The following FARS2 variants were observed in gnomAD, a reference collection of about 807,000 sequenced individuals.
FARS2 encodes the protein phenylalanyl-tRNA synthetase 2, mitochondrial.
Under a neutral mutation model 46.4 loss-of-function variants are expected in FARS2, and 40 were observed. The ratio of observed to expected loss-of-function variants is 0.86; its 90% CI spans 0.67 to 1.12. The LOEUF is 1.12. Ranked by LOEUF, FARS2 falls within the 50% of genes most tolerant of loss-of-function variation. The probability of loss-of-function intolerance (pLI) is 0.00; values close to 1 mark genes in which losing one functional copy is unlikely to be tolerated. For missense variants in FARS2, 513 were observed against 567.9 expected (o/e 0.90, Z 0.98); for synonymous variants, 234 against 214.9 (o/e 1.09, Z -0.78).
intron 6 of FARS2, among the ~76,000 whole-genome samples, chr6:5,709,370 G>A (rs1474620452): frequency 6.6e-6 from 1 of 152,192 alleles, no homozygotes; most frequent in Admixed American, 6.5e-5. Context: ...GGAGGACAGA[G>A]AATGTGGTCT....
intron 2 of FARS2, among the ~76,000 whole-genome samples, chr6:5,389,872 G>T (rs1390907781): frequency 6.6e-6 from 1 of 151,740 alleles, no homozygotes; most frequent in Non-Finnish European, 1.5e-5. Context: ...TTGTTTGTTT[G>T]TTTTTTTCCT....
intron 1 of FARS2, among the ~76,000 whole-genome samples, chr6:5,341,222 TATATATATATA>T (rs1277514960): frequency 0.014 from 101 of 7,236 alleles, 1 homozygote; most frequent in African/African-American, 0.038. Flanking sequence ...TATATATATA[TATATATATATA>T]TATTTTTTTT....
intron 2 of FARS2, among the ~76,000 whole-genome samples, chr6:5,386,979 G>A (rs988829424): frequency 6.6e-6 from 1 of 152,108 alleles, no homozygotes; most frequent in Non-Finnish European, 1.5e-5. Flanking sequence ...GACTGTAGAG[G>A]GCTGAAAACG....
chr6:5,758,630 G>A (rs1762332200), intron 6 of FARS2, among the ~76,000 whole-genome samples: 2 of 152,172 alleles, frequency 1.3e-5, no homozygotes, highest in African/African-American at 4.8e-5. Context: ...TGCAGAGCAA[G>A]GATTTCTCTC....
In FARS2 at chr6:5,409,037, C is replaced by T. The variant is rs959815625; in HGVS notation, c.772+4336C>T. ...GTGTTATTTTTTATATTTGTATTTG[C>T]GTAGCTTTCAAATGCAGATGTCAGG... On this transcript the variant is annotated intron_variant, in intron 3 of 6. Transcript: ENST00000274680. Among the ~76,000 whole-genome samples the T allele has an allele frequency of 3.3e-5, 5 of 152,058 alleles. 1 individual carries two copies. The highest frequency in any genetic ancestry group is 6.6e-5 in the Admixed American group (1 of 15,260).
chr6:5,691,950 A>C (rs1561804200), intron 6 of FARS2, among the ~76,000 whole-genome samples: 1 of 152,202 alleles, frequency 6.6e-6, no homozygotes, highest in Non-Finnish European at 1.5e-5. Flanking sequence ...CTGTGCTAGC[A>C]ATGAGCGAGG....
At chr6:5,701,425 G>C (rs1220517094) in intron 6 of FARS2, among the ~76,000 whole-genome samples, 1 of 152,230 alleles carries the variant, frequency 6.6e-6, no homozygotes, top group East Asian at 1.9e-4. Context: ...TCAGGGTCCT[G>C]TTATGTCCAT....
At chr6:5,580,240 A>G (rs1773245678) in intron 5 of FARS2, among the ~76,000 whole-genome samples, 1 of 145,826 alleles carries the variant, frequency 6.9e-6, no homozygotes, top group Non-Finnish European at 1.5e-5. Flanking sequence ...CAGTGACCCG[A>G]GAGCATGCCA....
At chr6:5,252,447 A>G in the FARS2 span, among the ~76,000 whole-genome samples, 1 of 152,140 alleles carries the variant, frequency 6.6e-6, no homozygotes, top group African/African-American at 2.4e-5. Context: ...CCAACACTTC[A>G]GCCACAATTA....
intron 2 of FARS2, among the ~76,000 whole-genome samples, chr6:5,385,659 C>G (rs968955667): frequency 2.6e-5 from 4 of 152,060 alleles, no homozygotes; most frequent in Admixed American, 6.6e-5. Flanking sequence ...CTCTTGACCT[C>G]GTGGTCTGTC....
intron 1 of FARS2, among the ~76,000 whole-genome samples, chr6:5,314,962 C>G (rs1769343618): frequency 6.6e-6 from 1 of 152,158 alleles, no homozygotes; most frequent in African/African-American, 2.4e-5. Context: ...GTTGTGTTCT[C>G]TCTTTAGGAA....
chr6:5,408,442 GC>G (rs1397884576), intron 3 of FARS2, among the ~76,000 whole-genome samples: 1 of 152,106 alleles, frequency 6.6e-6, no homozygotes, highest in Non-Finnish European at 1.5e-5. Context: ...GAAAGAAGAG[GC>G]AAGGGGAAGA....
chr6:5,696,278 T>C (rs1428049464), intron 6 of FARS2, among the ~76,000 whole-genome samples: 2 of 152,264 alleles, frequency 1.3e-5, no homozygotes, highest in African/African-American at 4.8e-5. Context: ...ACTGATTAAA[T>C]AAATTGTAGA....
chr6:5,356,171 A>G (rs1757915521), intron 1 of FARS2, among the ~76,000 whole-genome samples: 1 of 152,180 alleles, frequency 6.6e-6, no homozygotes, highest in South Asian at 2.1e-4. Context: ...CGAGACGGCT[A>G]GGCGCTGTGG....
intron 6 of FARS2, among the ~76,000 whole-genome samples, chr6:5,704,299 G>T (rs866288548): frequency 3.1e-4 from 47 of 152,214 alleles, no homozygotes; most frequent in African/African-American, 9.9e-4. Context: ...GCTCTCCAGG[G>T]CCCCTTTATA....
At chr6:5,708,628 C>G (rs1758917532) in intron 6 of FARS2, among the ~76,000 whole-genome samples, 2 of 151,924 alleles carry the variant, frequency 1.3e-5, no homozygotes, top group African/African-American at 4.8e-5. Context: ...TGACAATCCC[C>G]CCAAATCCTT....
intron 6 of FARS2, among the ~76,000 whole-genome samples, chr6:5,669,978 A>G (rs1778368031): frequency 6.6e-6 from 1 of 152,188 alleles, no homozygotes; most frequent in Admixed American, 6.5e-5. Flanking sequence ...ACATGAGAAA[A>G]GTGTCAATAA....
intron 4 of FARS2, among the ~76,000 whole-genome samples, chr6:5,531,748 G>T (rs1018718698): frequency 6.6e-6 from 1 of 152,170 alleles, no homozygotes; most frequent in Non-Finnish European, 1.5e-5. Flanking sequence ...ATCCGGTGGC[G>T]AGTCTCCGAG....
chr6:5,528,139 C>T (rs865940953), intron 4 of FARS2, among the ~76,000 whole-genome samples: 8 of 152,004 alleles, frequency 5.3e-5, no homozygotes, highest in Non-Finnish European at 8.8e-5. Context: ...TTTCTATCTT[C>T]GTATGTTTGT....
Sources: gnomAD v4.1 joint callset for allele counts (sites outside exome capture counted in the v4.1 genomes callset) on GRCh38, gnomAD v4.1.1 for gene constraint, MANE v1.5 for transcripts, NCBI Gene and HGNC (gene_info 2026-07-23, HGNC 2026-07-21) for gene names.